The following ERBB4 variants were observed in gnomAD, a reference collection of about 807,000 sequenced individuals.
The protein encoded by ERBB4 is erb-b2 receptor tyrosine kinase 4.
Under a neutral mutation model 158.0 loss-of-function variants are expected in ERBB4, and 42 were observed. The observed-to-expected ratio is 0.27, with a 90% confidence interval of 0.21 to 0.34. The LOEUF is 0.34. ERBB4 is among the 10% of genes least tolerant of loss of function. The probability of loss-of-function intolerance (pLI) is 1.00; values close to 1 mark genes in which losing one functional copy is unlikely to be tolerated. For missense variants in ERBB4, 1,333 were observed against 1,624.1 expected, an observed-to-expected ratio of 0.82 and a Z score of 3.08; for synonymous variants, 583 against 558.7, an observed-to-expected ratio of 1.04 and a Z score of -0.61.
At chr2:211,428,211 T>TTAAAATAAAATAAAA (rs55861364) in intron 22 of ERBB4, among the ~76,000 whole-genome samples, 197 bp downstream of exon 22, 49 of 147,190 alleles carry the variant, frequency 3.3e-4, no homozygotes, top group Non-Finnish European at 5.5e-4. Flanking sequence ...ATCGCAGAAC[T>TTAAAATAAAATAAAA]TAAAATAAAA....
At chr2:212,060,233 A>T (rs1394018544) in intron 2 of ERBB4, among the ~76,000 whole-genome samples, 1 of 152,310 alleles carries the variant, frequency 6.6e-6, no homozygotes, top group South Asian at 2.1e-4. Context: ...TGGCCATCAG[A>T]GAAATGCAAA....
chr2:212,108,930 G>C (rs887876348), intron 2 of ERBB4, among the ~76,000 whole-genome samples: 2 of 152,054 alleles, frequency 1.3e-5, no homozygotes, highest in Admixed American at 6.6e-5. Flanking sequence ...CAGGATAGCA[G>C]GTTTCTGTGA....
chr2:212,310,808 A>G (rs1180901088), intron 1 of ERBB4, among the ~76,000 whole-genome samples: 2 of 150,672 alleles, frequency 1.3e-5, no homozygotes, highest in Non-Finnish European at 3.0e-5. Flanking sequence ...ATACAGCACC[A>G]GTGTCTGGTA....
intron 20 of ERBB4, among the ~76,000 whole-genome samples, chr2:211,559,544 G>A (rs1051726328): frequency 2.5e-4 from 38 of 152,260 alleles, no homozygotes; most frequent in African/African-American, 8.7e-4. Flanking sequence ...CACATCTGTA[G>A]AGCCCTGTGT....
chr2:211,913,619 A>ATGTGTGTGTGTGTGTGTGTG (rs34762084), intron 3 of ERBB4, among the ~76,000 whole-genome samples: 7 of 132,742 alleles, frequency 5.3e-5, no homozygotes, highest in African/African-American at 2.0e-4. Flanking sequence ...ATATATATAT[A>ATGTGTGTGTGTGTGTGTGTG]TGTGTGTGTG....
At chr2:211,997,657 T>G (rs970809244) in intron 2 of ERBB4, among the ~76,000 whole-genome samples, 1 of 151,908 alleles carries the variant, frequency 6.6e-6, no homozygotes, top group African/African-American at 2.4e-5. Flanking sequence ...TTAAATAGAT[T>G]CCCTCTTTCC....
chr2:211,995,766 C>T (rs2082187305), intron 2 of ERBB4, among the ~76,000 whole-genome samples: 1 of 152,170 alleles, frequency 6.6e-6, no homozygotes, highest in Non-Finnish European at 1.5e-5. Flanking sequence ...TCCTTCAGGT[C>T]TCAGTTGTAA....
At chr2:211,762,222 G>C (rs938065463) in intron 4 of ERBB4, among the ~76,000 whole-genome samples, 1 of 152,192 alleles carries the variant, frequency 6.6e-6, no homozygotes, top group Non-Finnish European at 1.5e-5. Context: ...ATGCAAACAG[G>C]GTTGAAATGA....
chr2:212,232,710 G>A (rs1389879109), intron 1 of ERBB4, among the ~76,000 whole-genome samples: 1 of 152,056 alleles, frequency 6.6e-6, no homozygotes, highest in Non-Finnish European at 1.5e-5. Flanking sequence ...ACCCGGCCGG[G>A]AGTAAGTAAA....
At chr2:211,645,532 C>T (rs1186037768) in intron 16 of ERBB4, among the ~76,000 whole-genome samples, 1 of 151,542 alleles carries the variant, frequency 6.6e-6, no homozygotes, top group African/African-American at 2.4e-5. Flanking sequence ...AATAAATCAA[C>T]AGACTTTGGA....
chr2:211,803,710 C>T (rs2076550870), intron 3 of ERBB4, among the ~76,000 whole-genome samples: 1 of 152,196 alleles, frequency 6.6e-6, no homozygotes, highest in African/African-American at 2.4e-5. Context: ...AGATTACAGT[C>T]TTTGAGACAG....
At chr2:211,563,554 TA>T (rs1401146249) in intron 19 of ERBB4, among the ~76,000 whole-genome samples, 3 of 152,090 alleles carry the variant, frequency 2.0e-5, no homozygotes, top group East Asian at 1.9e-4. Context: ...GGCTCTTGGA[TA>T]AAAAAATATA....
chr2:211,442,004 T>C (rs771790301), intron 20 of ERBB4, among the ~76,000 whole-genome samples: 1 of 152,020 alleles, frequency 6.6e-6, no homozygotes, highest in Admixed American at 6.6e-5. Context: ...TCATTCTCCT[T>C]TACCCTTCAA....
chr2:211,461,914 C>T (rs1247004296), intron 20 of ERBB4, among the ~76,000 whole-genome samples: 1 of 150,724 alleles, frequency 6.6e-6, no homozygotes, highest in Non-Finnish European at 1.5e-5. Flanking sequence ...AAAACAACAA[C>T]AAAAAAAAAC....
chr2:211,959,533 G>C (rs1489901477), intron 2 of ERBB4, among the ~76,000 whole-genome samples: 1 of 151,960 alleles, frequency 6.6e-6, no homozygotes, highest in East Asian at 1.9e-4. Context: ...TACTTAGAGA[G>C]GCACTTTGTG....
At chr2:211,864,992 G>A (rs543056875) in intron 3 of ERBB4, among the ~76,000 whole-genome samples, 7 of 152,088 alleles carry the variant, frequency 4.6e-5, no homozygotes, top group African/African-American at 1.7e-4. Flanking sequence ...GCCTGTCCTG[G>A]AGAGTGAAAC....
intron 19 of ERBB4, among the ~76,000 whole-genome samples, chr2:211,581,096 T>C (rs1054872032): frequency 3.3e-5 from 5 of 150,042 alleles, no homozygotes; most frequent in African/African-American, 1.2e-4. Context: ...GAAGACACAA[T>C]GGACTTTGGG....
rs114255872 is a variant in ERBB4, at chr2:211,912,154, C to T, written c.421+35276G>A. 4.5e-3 allele frequency among the ~76,000 whole-genome samples: 691 copies of T among 152,172 alleles called. 5 individuals carry two copies. The highest frequency in any genetic ancestry group is 0.016 in the African/African-American group (663 of 41,526). ...AAATTTTAGTTAGTGTCCAGTAAAT[C>T]TACATTTTACACAAGATATAGTGAA... On this transcript the variant is annotated intron_variant, in intron 3 of 27. Transcript: ENST00000342788.
At chr2:211,628,346 G>A (rs2069945639) in intron 17 of ERBB4, among the ~76,000 whole-genome samples, 1 of 152,126 alleles carries the variant, frequency 6.6e-6, no homozygotes, top group Non-Finnish European at 1.5e-5. Context: ...AGGCCCCGGT[G>A]TGTGATGTTC....
Sources: gnomAD v4.1 joint callset for allele counts (sites outside exome capture counted in the v4.1 genomes callset) on GRCh38, gnomAD v4.1.1 for gene constraint, MANE v1.5 for transcripts, NCBI Gene and HGNC (gene_info 2026-07-23, HGNC 2026-07-21) for gene names.